LTBP2: variants seen among roughly 807,000 people sequenced by gnomAD.
LTBP2 encodes the protein latent-transforming growth factor beta-binding protein 2.
Under a neutral mutation model 210.6 loss-of-function variants are expected in LTBP2, and 103 were observed. That is an observed-to-expected ratio of 0.49 (90% confidence interval 0.42 to 0.58). The LOEUF is 0.58. Ranked by LOEUF, LTBP2 falls within the 20% of genes least tolerant of loss-of-function variation. The probability of loss-of-function intolerance (pLI) is 0.00; values close to 1 mark genes in which losing one functional copy is unlikely to be tolerated. For missense variants in LTBP2, 2,313 were observed against 2,494.5 expected (o/e 0.93, Z 1.55); for synonymous variants, 1,007 against 1,015.0 (o/e 0.99, Z 0.15).
At position 74,525,315 on chromosome 14, in the gene LTBP2, C is replaced by T. The variant is rs1595253227; in HGVS notation, c.2429-90G>A. ...TCCCTGGTGCTCAGACTCCCAAGAA[C>T]GAAGGGTGAAGCCTGGGGTGGGTCA... On this transcript the variant is annotated intron_variant, in intron 14 of 35. Transcript: ENST00000261978. 22 of 644,252 alleles carry T rather than the reference C, an allele frequency of 3.4e-5. No individual in the cohort carries two copies. In the South Asian group the frequency reaches 6.6e-4, roughly 19 times the overall value. The allele number at this position is 644,252 out of a possible 1,614,324, so 39.9% of individuals were successfully genotyped here. A position where few individuals can be genotyped will look rare whatever the true frequency, so the allele number is the denominator to read the frequency against.
At chr14:74,551,382 A>G (rs1293673465) in intron 6 of LTBP2, 32 bp from the exon 7 acceptor site, 2 of 1,523,860 alleles carry the variant, frequency 1.3e-6, no homozygotes, top group East Asian at 4.6e-5. Context: ...AGAGCCAGGG[A>G]AGCAGGGCCC....
chr14:74,544,197 C>A (rs1467316811), intron 8 of LTBP2, among the ~76,000 whole-genome samples: 1 of 152,196 alleles, frequency 6.6e-6, no homozygotes, highest in Non-Finnish European at 1.5e-5. Flanking sequence ...GGGGACTGGG[C>A]ATCTCATCCA....
intron 18 of LTBP2, among the ~76,000 whole-genome samples, chr14:74,513,190 G>A (rs773533018): frequency 1.3e-5 from 2 of 152,188 alleles, no homozygotes; most frequent in African/African-American, 4.8e-5. Context: ...TCTTGGAGGT[G>A]GTGTGTGTAG....
intron 25 of LTBP2, 122 bp from the exon 26 acceptor site, chr14:74,507,432 C>T (rs2087006284): frequency 7.5e-6 from 10 of 1,335,878 alleles, no homozygotes; most frequent in Non-Finnish European, 4.3e-6. Context: ...GTGCTCATCC[C>T]AACCCCAGCA....
chr14:74,579,080 C>T (rs2088101016), intron 3 of LTBP2, among the ~76,000 whole-genome samples: 1 of 152,238 alleles, frequency 6.6e-6, no homozygotes, highest in African/African-American at 2.4e-5. Context: ...TCGTCTCGAA[C>T]TCCTGACCTC....
intron 3 of LTBP2, among the ~76,000 whole-genome samples, chr14:74,567,991 T>C (rs1329637463): frequency 1.3e-5 from 2 of 152,170 alleles, no homozygotes; most frequent in African/African-American, 4.8e-5. Context: ...TCAGGCATTA[T>C]GCAAAGGGCA....
At chr14:74,513,524 T>C (rs2087097778) in intron 18 of LTBP2, among the ~76,000 whole-genome samples, 1 of 152,194 alleles carries the variant, frequency 6.6e-6, no homozygotes. Context: ...TGGCTGCTGC[T>C]GGGCATGGTG....
At chr14:74,584,866 A>T (rs1354871271) in intron 3 of LTBP2, among the ~76,000 whole-genome samples, 2 of 151,816 alleles carry the variant, frequency 1.3e-5, no homozygotes, top group East Asian at 3.9e-4. Context: ...CTCTCCCTCC[A>T]ACTCAGCCAG....
chr14:74,567,781 TCTC>T (rs1437077291), intron 3 of LTBP2, among the ~76,000 whole-genome samples: 1 of 151,930 alleles, frequency 6.6e-6, no homozygotes, highest in African/African-American at 2.4e-5. Flanking sequence ...ACTTCAGACT[TCTC>T]CATGGCTTCT....
chr14:74,566,121 T>C (rs956800593), intron 3 of LTBP2, among the ~76,000 whole-genome samples: 2 of 152,160 alleles, frequency 1.3e-5, no homozygotes, highest in Non-Finnish European at 2.9e-5. Context: ...TCATAGTTTC[T>C]GCTAATAAAA....
chr14:74,500,677 T>C lies in LTBP2; in HGVS notation c.*207A>G, dbSNP rs779667099. On this transcript the variant is annotated 3_prime_UTR_variant, in exon 36 of 36. Transcript: ENST00000261978. Reference sequence around the variant, plus strand: ...GCGGTGGCTGAAGCATTAAAGCGATTGGTGGTGCTTGAGCCAAGCAAGGGC... The same window carrying C: ...GCGGTGGCTGAAGCATTAAAGCGATCGGTGGTGCTTGAGCCAAGCAAGGGC... 3.1e-6 allele frequency: 2 copies of C among 650,664 alleles called. No individual in the cohort carries two copies. The highest frequency in any genetic ancestry group is 5.5e-6 in the Non-Finnish European group (2 of 366,010). 40.3% of individuals were successfully genotyped at this position (650,664 alleles called of 1,614,324 possible).
chr14:74,604,511 G>A (rs2088496478), intron 1 of LTBP2, among the ~76,000 whole-genome samples: 1 of 151,944 alleles, frequency 6.6e-6, no homozygotes, highest in Admixed American at 6.6e-5. Context: ...GAGGCAAACA[G>A]GACTTACTCT....
chr14:74,606,465 C>T (rs2088528097), intron 1 of LTBP2, among the ~76,000 whole-genome samples: 1 of 152,254 alleles, frequency 6.6e-6, no homozygotes. Flanking sequence ...GCTGCTCTCT[C>T]TGCCTAGAAT....
chr14:74,605,685 G>T (rs917068577), intron 1 of LTBP2, among the ~76,000 whole-genome samples: 3 of 152,198 alleles, frequency 2.0e-5, no homozygotes, highest in Non-Finnish European at 4.4e-5. Context: ...TGCCTGGCTG[G>T]GAGGTCATGG....
chr14:74,565,596 G>A (rs1419480691), intron 3 of LTBP2, among the ~76,000 whole-genome samples: 2 of 152,202 alleles, frequency 1.3e-5, no homozygotes, highest in Non-Finnish European at 2.9e-5. Context: ...AGAAGTGAAT[G>A]ATGGGCTCAG....
At chr14:74,573,494 C>T (rs898420278) in intron 3 of LTBP2, among the ~76,000 whole-genome samples, 4 of 152,338 alleles carry the variant, frequency 2.6e-5, no homozygotes, top group African/African-American at 9.6e-5. Context: ...CCAGCTCCCT[C>T]GCAACAGGTA....
In LTBP2 at chr14:74,551,111, G is replaced by C. The variant is rs754546666; in HGVS notation, c.1639C>G (p.Pro547Ala). ...TAACACCGGCCCAGCAGTCCTCGAG[G>C]CCTGGGTGCTGCTGGGGGCAGTGGC... ...PRPLPPAAPR[P>A]RGLLGRCYLN... The change falls in exon 7 of 36, where the codon CCT becomes GCT. Residue 547 changes from proline to alanine, a missense_variant. Physicochemically the swap from Pro to Ala is conservative, Grantham distance 27. This residue lies in a region of LTBP2 where 1,867 missense variants were observed against 1,976.9 expected (regional missense o/e 0.94). Transcript: ENST00000261978. 13 of 1,613,844 alleles carry C rather than the reference G, an allele frequency of 8.1e-6. No homozygotes were observed. In the East Asian group the frequency reaches 2.9e-4, roughly 36 times the overall value.
intron 34 of LTBP2, 149 bp from the exon 35 acceptor site, chr14:74,501,739 A>G (rs2139685348): frequency 2.1e-6 from 2 of 941,272 alleles, no homozygotes; most frequent in East Asian, 5.2e-5. Flanking sequence ...TTGTGGAAAG[A>G]TGCTAGAACA....
intron 4 of LTBP2, among the ~76,000 whole-genome samples, chr14:74,555,205 G>A (rs181637870): frequency 3.0e-4 from 46 of 152,218 alleles, no homozygotes; most frequent in Admixed American, 9.8e-4. Flanking sequence ...TGGGACCAGG[G>A]AGTTGAGGTT....
Sources: gnomAD v4.1 joint callset for allele counts (sites outside exome capture counted in the v4.1 genomes callset) on GRCh38, gnomAD v4.1.1 for gene constraint, gnomAD v4.1.1 regional missense constraint, MANE v1.5 for transcripts, NCBI Gene and HGNC (gene_info 2026-07-23, HGNC 2026-07-21) for gene names.